The following MGAT4C variants were observed in gnomAD, a reference collection of about 807,000 sequenced individuals.
MGAT4C encodes the protein MGAT4 family member C, also known as alpha-1,3-mannosyl-glycoprotein 4-beta-N-acetylglucosaminyltransferase C.
Under a neutral mutation model 40.1 loss-of-function variants are expected in MGAT4C, and 19 were observed. That is an observed-to-expected ratio of 0.47 (90% CI 0.33 to 0.70). The LOEUF (loss-of-function observed/expected upper bound fraction) is 0.70. Among genes scored for constraint, MGAT4C ranks in the 30% least tolerant of loss-of-function variants. The pLI is 0.02. For synonymous variants in MGAT4C, 181 were observed against 187.1 expected (o/e 0.97, Z 0.27); for missense variants, 491 against 563.2 (o/e 0.87, Z 1.30).
chr12:86,134,033 T>G (rs1194815861), intron 1 of MGAT4C, among the ~76,000 whole-genome samples: 1 of 152,118 alleles, frequency 6.6e-6, no homozygotes, highest in Non-Finnish European at 1.5e-5. Flanking sequence ...TTTTTATTTT[T>G]CTTGAATTCA....
intron 1 of MGAT4C, among the ~76,000 whole-genome samples, chr12:86,157,728 A>G (rs756522617): frequency 1.3e-5 from 2 of 152,192 alleles, no homozygotes; most frequent in African/African-American, 4.8e-5. Context: ...ACATGGTGGC[A>G]GGAGAGAGAG....
chr12:86,589,634 C>T (rs1328617126), intron 2 of MGAT4C, among the ~76,000 whole-genome samples: 6 of 151,994 alleles, frequency 3.9e-5, no homozygotes, highest in African/African-American at 1.4e-4. Context: ...CCTTGATGAA[C>T]ATTGACGCAA....
chr12:86,279,172 A>C (rs1001750923), intron 4 of MGAT4C, among the ~76,000 whole-genome samples: 3 of 152,162 alleles, frequency 2.0e-5, no homozygotes, highest in Non-Finnish European at 4.4e-5. Flanking sequence ...CTGGCCTTGT[A>C]GAATGAGTTT....
chr12:86,797,322 TG>T (rs1952141770), intron 1 of MGAT4C, among the ~76,000 whole-genome samples: 1 of 151,910 alleles, frequency 6.6e-6, no homozygotes, highest in Non-Finnish European at 1.5e-5. Flanking sequence ...TATTATTCAA[TG>T]TTATTCTTCT....
chr12:86,825,473 T>C (rs1173774161), intron 1 of MGAT4C, among the ~76,000 whole-genome samples: 2 of 151,308 alleles, frequency 1.3e-5, no homozygotes, highest in Non-Finnish European at 3.0e-5. Context: ...AGTATATATT[T>C]AGGCCAAAAC....
chr12:86,475,447 G>A (rs1367909805), intron 2 of MGAT4C, among the ~76,000 whole-genome samples: 1 of 151,776 alleles, frequency 6.6e-6, no homozygotes, highest in Non-Finnish European at 1.5e-5. Flanking sequence ...ATAAAATTGA[G>A]GTGTTAATGT....
At chr12:86,075,426 T>C (rs1217848767) in intron 1 of MGAT4C, among the ~76,000 whole-genome samples, 1 of 152,158 alleles carries the variant, frequency 6.6e-6, no homozygotes, top group Non-Finnish European at 1.5e-5. Context: ...CAGGCTGGCA[T>C]TGAATGTCTG....
At chr12:86,348,550 G>T (rs1207604385) in intron 3 of MGAT4C, among the ~76,000 whole-genome samples, 1 of 151,898 alleles carries the variant, frequency 6.6e-6, no homozygotes, top group Non-Finnish European at 1.5e-5. Context: ...ATACATTATT[G>T]CTACCTAAAA....
rs541491647 is a variant in MGAT4C, at chr12:86,430,835, G to A, written c.-120+4322C>T. ...TTTTTGGCTATGTTGAGAGGATTTG[G>A]GACTCTTTGGGAGGGCTTATGTGTG... On this transcript the variant is annotated intron_variant, in intron 3 of 7. Coordinates refer to the MGAT4C transcript ENST00000548651. Among the ~76,000 whole-genome samples the A allele has an allele frequency of 3.9e-5, 6 of 152,240 alleles. No individual in the cohort carries two copies. In the East Asian group the frequency reaches 1.2e-3, roughly 29 times the overall value.
intron 1 of MGAT4C, among the ~76,000 whole-genome samples, chr12:86,731,390 T>A (rs1472911384): frequency 6.6e-6 from 1 of 152,124 alleles, no homozygotes; most frequent in Non-Finnish European, 1.5e-5. Context: ...AATAAATTTC[T>A]TGTATGTTAA....
chr12:86,357,058 G>A (rs1336284579), intron 3 of MGAT4C, among the ~76,000 whole-genome samples: 1 of 152,166 alleles, frequency 6.6e-6, no homozygotes, highest in Non-Finnish European at 1.5e-5. Context: ...TAGCCTAACT[G>A]GGAGGCACCT....
chr12:86,317,510 A>T (rs1306220824), intron 4 of MGAT4C, among the ~76,000 whole-genome samples: 2 of 152,154 alleles, frequency 1.3e-5, no homozygotes, highest in Non-Finnish European at 2.9e-5. Context: ...AAAAAAATAT[A>T]AAAATACACA....
At chr12:86,460,039 G>T (rs537060199) in intron 2 of MGAT4C, among the ~76,000 whole-genome samples, 1 of 151,722 alleles carries the variant, frequency 6.6e-6, no homozygotes, top group Non-Finnish European at 1.5e-5. Flanking sequence ...GATTTGTAAC[G>T]CAAGTTCTTC....
intron 1 of MGAT4C, among the ~76,000 whole-genome samples, chr12:86,787,748 C>A (rs1273388277): frequency 6.6e-6 from 1 of 152,032 alleles, no homozygotes; most frequent in Non-Finnish European, 1.5e-5. Context: ...GAATGATGTA[C>A]TTTGTACATT....
intron 2 of MGAT4C, among the ~76,000 whole-genome samples, chr12:86,497,990 T>C (rs914097291): frequency 2.7e-5 from 4 of 145,824 alleles, no homozygotes; most frequent in African/African-American, 1.0e-4. Context: ...ATATAATCTT[T>C]ATATATTATA....
intron 2 of MGAT4C, chr12:86,022,613 G>A (rs1889861049): frequency 6.6e-6 from 1 of 152,182 alleles, no homozygotes; most frequent in Non-Finnish European, 1.5e-5. Context: ...ATACTTGAGA[G>A]GCTAAGACAG....
intron 1 of MGAT4C, among the ~76,000 whole-genome samples, chr12:86,810,710 A>G (rs1254811139): frequency 1.3e-5 from 2 of 151,718 alleles, no homozygotes; most frequent in Non-Finnish European, 2.9e-5. Flanking sequence ...ATTTTCATAT[A>G]TATTGTAGTT....
chr12:86,289,909 A>G (rs1953462892), intron 4 of MGAT4C, among the ~76,000 whole-genome samples: 1 of 152,206 alleles, frequency 6.6e-6, no homozygotes, highest in Admixed American at 6.5e-5. Flanking sequence ...GAAAGTTAAT[A>G]AAATGTGGAC....
intron 3 of MGAT4C, among the ~76,000 whole-genome samples, chr12:86,391,271 G>T (rs1412009222): frequency 6.6e-6 from 1 of 152,142 alleles, no homozygotes; most frequent in Non-Finnish European, 1.5e-5. Flanking sequence ...TAAGCACTTT[G>T]ATTTTTAGAG....
Sources: gnomAD v4.1 joint callset for allele counts (sites outside exome capture counted in the v4.1 genomes callset) on GRCh38, gnomAD v4.1.1 for gene constraint, MANE v1.5 for transcripts, NCBI Gene and HGNC (gene_info 2026-07-23, HGNC 2026-07-21) for gene names.